The following AGBL4 variants were observed in gnomAD, a reference collection of about 807,000 sequenced individuals.
AGBL4 encodes the protein AGBL carboxypeptidase 4, also known as cytosolic carboxypeptidase 6.
AGBL4 carries 58 observed loss-of-function variants against 66.4 expected under a neutral mutation model. The observed-to-expected ratio is 0.87, with a 90% CI of 0.71 to 1.09. The LOEUF is 1.09. Among genes scored for constraint, AGBL4 ranks in the 50% least tolerant of loss-of-function variants. AGBL4 has a pLI of 0.00. For missense variants in AGBL4, 579 were observed against 631.0 expected (o/e 0.92, Z 0.88); for synonymous variants, 234 against 222.9 (o/e 1.05, Z -0.44).
intron 3 of AGBL4, among the ~76,000 whole-genome samples, chr1:49,500,464 C>G (rs1648043261): frequency 6.7e-6 from 1 of 150,160 alleles, no homozygotes; most frequent in South Asian, 2.1e-4. Context: ...AAGCCAATGT[C>G]AAGAAGAATT....
At chr1:49,590,450 T>C (rs1311029708) in intron 3 of AGBL4, among the ~76,000 whole-genome samples, 1 of 149,682 alleles carries the variant, frequency 6.7e-6, no homozygotes, top group Non-Finnish European at 1.5e-5. Flanking sequence ...GTTCGATCAG[T>C]TGTTCTTGAA....
intron 5 of AGBL4, among the ~76,000 whole-genome samples, chr1:48,897,651 G>GT (rs1189914711): frequency 2.0e-5 from 3 of 151,806 alleles, no homozygotes; most frequent in East Asian, 1.9e-4. Context: ...GTTATTATCT[G>GT]TTTTTTTAAT....
chr1:48,629,913 G>A (rs986654202), intron 9 of AGBL4, among the ~76,000 whole-genome samples: 13 of 152,156 alleles, frequency 8.5e-5, no homozygotes, highest in Non-Finnish European at 1.5e-4. Flanking sequence ...CTTTTATCAG[G>A]AAAGTCTTCT....
At chr1:50,015,741 A>G (rs1010814248) in intron 1 of AGBL4, among the ~76,000 whole-genome samples, 6 of 152,326 alleles carry the variant, frequency 3.9e-5, no homozygotes, top group Admixed American at 3.9e-4. Flanking sequence ...ACCTGACTTC[A>G]AACTATACTA....
chr1:49,197,200 T>C (rs1449408415), intron 4 of AGBL4, among the ~76,000 whole-genome samples: 2 of 152,182 alleles, frequency 1.3e-5, no homozygotes, highest in African/African-American at 4.8e-5. Flanking sequence ...CTCTGTATAA[T>C]TTCCTTGTTT....
chr1:48,939,914 G>A (rs1043440252), intron 5 of AGBL4, among the ~76,000 whole-genome samples: 2 of 152,186 alleles, frequency 1.3e-5, no homozygotes, highest in Admixed American at 1.3e-4. Context: ...CAACTAGGAG[G>A]AGGGTGCCAC....
At chr1:49,131,053 G>A (rs1004311327) in intron 4 of AGBL4, among the ~76,000 whole-genome samples, 1 of 151,920 alleles carries the variant, frequency 6.6e-6, no homozygotes, top group Non-Finnish European at 1.5e-5. Flanking sequence ...CATATGTATC[G>A]ATGGAATGAA....
At chr1:49,280,769 C>A (rs1004042443) in intron 3 of AGBL4, among the ~76,000 whole-genome samples, 1 of 152,154 alleles carries the variant, frequency 6.6e-6, no homozygotes, top group Non-Finnish European at 1.5e-5. Flanking sequence ...TCTGCTTATA[C>A]GATCTAAACT....
At chr1:49,669,799 TAA>T (rs2124520156) in intron 3 of AGBL4, among the ~76,000 whole-genome samples, 1 of 152,190 alleles carries the variant, frequency 6.6e-6, no homozygotes, top group South Asian at 2.1e-4. Flanking sequence ...TCAAAAAAAT[TAA>T]GTTTCCAGTG....
chr1:48,662,166 T>C (rs1300168299), intron 7 of AGBL4, among the ~76,000 whole-genome samples: 1 of 152,240 alleles, frequency 6.6e-6, no homozygotes, highest in Non-Finnish European at 1.5e-5. Context: ...CAAAGCAGAT[T>C]ACCTGCTTCA....
At chr1:49,715,198 G>A (rs953940402) in intron 2 of AGBL4, among the ~76,000 whole-genome samples, 2 of 152,076 alleles carry the variant, frequency 1.3e-5, no homozygotes, top group Non-Finnish European at 2.9e-5. Context: ...TCCCACTTAT[G>A]AGTGAGAACA....
chr1:48,842,706 A>G (rs1168339499), intron 6 of AGBL4, among the ~76,000 whole-genome samples: 1 of 152,184 alleles, frequency 6.6e-6, no homozygotes, highest in East Asian at 1.9e-4. Context: ...TCTAAAAGAG[A>G]TATTTTGCAC....
chr1:48,534,225 T>TGGGG lies in AGBL4; in HGVS notation c.1459_1460insCCCC (p.Lys487ThrfsTer56). 8 of 1,551,676 alleles carry TGGGG rather than the reference T, an allele frequency of 5.2e-6. No individual in the cohort carries two copies. The highest frequency in any genetic ancestry group is 7.0e-6 in the Non-Finnish European group (8 of 1,146,946). ...GTTCACTGAGCTCTTCTTGTCCCCT[T>TGGGG]TGCTGTTGGGGTAGTTGCTGGCTGG... On this transcript the variant is annotated frameshift_variant, in exon 14 of 14. Transcript: ENST00000371839. LOFTEE classifies it high-confidence loss of function.
At chr1:48,854,990 T>C (rs1647113748) in intron 6 of AGBL4, among the ~76,000 whole-genome samples, 1 of 152,258 alleles carries the variant, frequency 6.6e-6, no homozygotes, top group Non-Finnish European at 1.5e-5. Context: ...ATTATTCATT[T>C]ACAAGAACCA....
chr1:48,678,505 AGT>A (rs1392030601), intron 6 of AGBL4, among the ~76,000 whole-genome samples: 3 of 152,172 alleles, frequency 2.0e-5, no homozygotes, highest in African/African-American at 7.2e-5. Flanking sequence ...CACAGCCCAC[AGT>A]GGACTGAGCT....
intron 4 of AGBL4, among the ~76,000 whole-genome samples, chr1:49,188,849 G>A (rs980287894): frequency 6.6e-6 from 1 of 152,148 alleles, no homozygotes; most frequent in African/African-American, 2.4e-5. Flanking sequence ...TAGAAGGAGT[G>A]CAAAGTTTTC....
At chr1:49,788,993 C>G (rs1176244900) in intron 2 of AGBL4, among the ~76,000 whole-genome samples, 1 of 152,090 alleles carries the variant, frequency 6.6e-6, no homozygotes, top group Non-Finnish European at 1.5e-5. Context: ...ATAAATAGCC[C>G]TTATTATTTT....
chr1:49,221,922 T>G (rs1168713261), intron 4 of AGBL4, among the ~76,000 whole-genome samples: 1 of 152,102 alleles, frequency 6.6e-6, no homozygotes, highest in Non-Finnish European at 1.5e-5. Context: ...GGCTGAAATA[T>G]CTACTTCTGC....
At chr1:48,801,800 G>A (rs1447177605) in intron 6 of AGBL4, among the ~76,000 whole-genome samples, 1 of 152,110 alleles carries the variant, frequency 6.6e-6, no homozygotes, top group African/African-American at 2.4e-5. Flanking sequence ...GGTTCTTGGA[G>A]CAAAAGTTCA....
Sources: gnomAD v4.1 joint callset for allele counts (sites outside exome capture counted in the v4.1 genomes callset) on GRCh38, gnomAD v4.1.1 for gene constraint, MANE v1.5 for transcripts, NCBI Gene and HGNC (gene_info 2026-07-23, HGNC 2026-07-21) for gene names.